MYLK2: variants seen among roughly 807,000 people sequenced by gnomAD.
The protein encoded by MYLK2 is myosin light chain kinase 2.
In MYLK2, 27 loss-of-function variants were observed where a neutral mutation model predicts 58.2. The observed-to-expected ratio is 0.46, with a 90% CI of 0.34 to 0.64. The LOEUF (loss-of-function observed/expected upper bound fraction) is 0.64, where lower values mean the gene tolerates loss of function less well. Ranked by LOEUF, MYLK2 falls within the 30% of genes least tolerant of loss-of-function variation. MYLK2 has a pLI of 0.01. For synonymous variants in MYLK2, 310 were observed against 296.7 expected, an observed-to-expected ratio of 1.04 and a Z score of -0.46; for missense variants, 676 against 764.3, an observed-to-expected ratio of 0.88 and a Z score of 1.36.
rs927529233 is a variant in MYLK2, at chr20:31,827,434, T to C, written c.1224+496T>C. ...AAACAGATAAAAATCCCTGCATTCT[T>C]GGAGCTCTCAAATAAGTATAGTGTC... On this transcript the variant is annotated intron_variant, in intron 8 of 12. Transcript: ENST00000375985. 6.1e-6 allele frequency: 6 copies of C among 985,316 alleles called. No homozygotes were observed. In the African/African-American group the frequency reaches 1.0e-4, roughly 17 times the overall value. The allele number at this position is 985,316 out of a possible 1,614,324, so 61.0% of individuals were successfully genotyped here. A position where few individuals can be genotyped will look rare whatever the true frequency, so the allele number is the denominator to read the frequency against.
Position 31,831,761 on chromosome 20 carries a change from C to G in MYLK2, c.1483C>G (p.Leu495Val). The G allele has an allele frequency of 6.2e-7, 1 of 1,614,166 alleles. No homozygotes were observed. Among genetic ancestry groups the G allele is most frequent in the Non-Finnish European group, 8.5e-7 (1 of 1,180,032 alleles). ...DDDTETLNNV[L>V]SGNWYFDEET... The stretch of plus-strand genomic sequence containing the variant: ...TGACACAGAGACCCTAAACAACGTT[C>G]TATCTGGCAACTGGTACTTTGATGA... Residue 495 changes from leucine to valine, a missense_variant, in exon 11 of 13, where the codon CTA becomes GTA. Coordinates refer to ENST00000375985, the MANE Select transcript of MYLK2 (RefSeq NM_033118.4).
chr20:31,830,365 C>G (rs929463937), intron 8 of MYLK2, among the ~76,000 whole-genome samples: 1 of 152,076 alleles, frequency 6.6e-6, no homozygotes, highest in African/African-American at 2.4e-5. Flanking sequence ...AGTGTGAAGC[C>G]CCGTGTTCCC....
intron 3 of MYLK2, among the ~76,000 whole-genome samples, chr20:31,821,059 C>G (rs1490503306): frequency 6.6e-6 from 1 of 152,150 alleles, no homozygotes; most frequent in African/African-American, 2.4e-5. Context: ...GTTATACTTA[C>G]CTGAATGCTA....
At chr20:31,831,191 G>A (rs559524545) in intron 10 of MYLK2, 50 bp downstream of exon 10, 21 of 1,613,168 alleles carry the variant, frequency 1.3e-5, no homozygotes, top group South Asian at 4.4e-5. Flanking sequence ...GCATGGGGGC[G>A]AGCGGCCGAG....
chr20:31,819,427 A>G lies in MYLK2; in HGVS notation c.-50A>G. ...CAACCAGGTTGCCCCTCTTTGCTCC[A>G]GGTACCTCTCTCCCCTCAGTTAGCA... On this transcript the variant is annotated splice_region_variant and 5_prime_UTR_variant, in exon 1 of 13. Transcript: ENST00000375985. The G allele has an allele frequency of 9.7e-7, 1 of 1,030,844 alleles. No individual in the cohort carries two copies. The highest frequency in any genetic ancestry group is 1.4e-5 in the South Asian group (1 of 73,168). 63.9% of individuals were successfully genotyped at this position (1,030,844 alleles called of 1,614,324 possible).
rs761688232 is a variant in MYLK2, at chr20:31,820,471, C to T, written c.398C>T (p.Ala133Val). ...AAGCCCAGGGTGGGCAAGAAGGCAG[C>T]AGAGGGCCAAGCAGCAGCCAGGAGG... Reference protein sequence around the residue: ...PGKPRVGKKAAEGQAAARRGS... With the variant: ...PGKPRVGKKAVEGQAAARRGS... The change falls in exon 3 of 13, where the codon GCA becomes GTA. Residue 133 changes from alanine to valine, a missense_variant. Ala to Val is a moderately conservative substitution (Grantham distance 64, BLOSUM62 0). Transcript: ENST00000375985. The T allele has an allele frequency of 2.9e-5, 46 of 1,610,686 alleles. No individual in the cohort carries two copies. The highest frequency in any genetic ancestry group is 3.8e-5 in the Non-Finnish European group (45 of 1,180,020).
Position 31,826,899 on chromosome 20 carries a change from C to T in MYLK2, c.1185C>T (p.Leu395=), listed in dbSNP as rs1285227408. 2.5e-6 allele frequency: 4 copies of T among 1,614,008 alleles called. No individual in the cohort carries two copies. Among genetic ancestry groups the T allele is most frequent in the Non-Finnish European group, 8.5e-7 (1 of 1,180,024 alleles). Residue 395 remains leucine, a synonymous_variant, in exon 8 of 13, where the codon CTC becomes CTT. Coordinates refer to ENST00000375985, the MANE Select transcript of MYLK2 (RefSeq NM_033118.4). The stretch of plus-strand genomic sequence containing the variant: ...TCAGGCAGATCTGTGACGGGATCCT[C>T]TTCATGCACAAGATGAGGGTTTTGC... ...VFVRQICDGI[L]FMHKMRVLHL...
At chr20:31,824,072 T>C in intron 5 of MYLK2, 187 bp from the exon 6 acceptor site, 1 of 985,440 alleles carries the variant, frequency 1.0e-6, no homozygotes, top group Non-Finnish European at 1.2e-6. Context: ...GCTTCAGCCA[T>C]TGTCCTGGCA....
chr20:31,820,913 T>A (rs1009618322), intron 3 of MYLK2, among the ~76,000 whole-genome samples: 1 of 152,210 alleles, frequency 6.6e-6, no homozygotes, highest in Admixed American at 6.5e-5. Flanking sequence ...GCTGTGTATT[T>A]CCTAGGACAT....
At chr20:31,824,705 C>A in intron 6 of MYLK2, 1 of 438,052 alleles carries the variant, frequency 2.3e-6, no homozygotes, top group Non-Finnish European at 3.0e-6. Flanking sequence ...TGGTCTCCAC[C>A]CTCAGGGAGC....
Position 31,823,474 on chromosome 20 carries a change from C to T in MYLK2, c.773-3C>T, listed in dbSNP as rs947189841. 3 of 1,612,168 alleles carry T rather than the reference C, an allele frequency of 1.9e-6. No individual in the cohort carries two copies. The East Asian group carries it at 6.7e-5, about 36-fold the overall frequency. On this transcript the variant is annotated splice_polypyrimidine_tract_variant and splice_region_variant and intron_variant, in intron 4 of 12. Transcript: ENST00000375985. The stretch of plus-strand genomic sequence containing the variant: ...ACCATGAGGGCTGTGCTCTGTCCCC[C>T]AGATGATTGCCCGCCACCTCCGGCC...
At chr20:31,821,347 G>C in intron 3 of MYLK2, 92 bp from the exon 4 acceptor site, 1 of 1,493,682 alleles carries the variant, frequency 6.7e-7, no homozygotes, top group South Asian at 1.2e-5. Flanking sequence ...TTTGGGGTGG[G>C]GTTGGATTAG....
At chr20:31,824,668 A>G in intron 6 of MYLK2, 3 of 730,762 alleles carry the variant, frequency 4.1e-6, no homozygotes, top group Non-Finnish European at 5.0e-6. Context: ...TGTGCTGGGC[A>G]CTGGGGGTCT....
At chr20:31,832,165 G>A in intron 12 of MYLK2, 29 bp downstream of exon 12, 6 of 1,592,494 alleles carry the variant, frequency 3.8e-6, no homozygotes, top group Admixed American at 1.7e-5. Context: ...TGGGGAGGGA[G>A]GGCTTGCTAG....
Position 31,833,737 on chromosome 20 carries a change from C to T in MYLK2, c.1731C>T (p.Ser577=), listed in dbSNP as rs772804572. Reference sequence around the variant, plus strand: ...TCTAGAAAAACTTCATTGCTGTCAGCGCTGCCAACCGCTTCAAGAAGATCA... The same window carrying T: ...TCTAGAAAAACTTCATTGCTGTCAGTGCTGCCAACCGCTTCAAGAAGATCA... ...RRWKKNFIAV[S]AANRFKKISS... is the part of the protein sequence containing the mutation. The change falls in exon 13 of 13, where the codon AGC becomes AGT. Residue 577 remains serine (S), a synonymous_variant. Transcript: ENST00000375985. The T allele has an allele frequency of 2.0e-5, 33 of 1,613,790 alleles. No individual in the cohort carries two copies. Among genetic ancestry groups the T allele is most frequent in the Non-Finnish European group, 2.4e-5 (28 of 1,179,978 alleles).
rs201107614 is a variant in MYLK2 at position 31,820,410 on chromosome 20, G to T, written c.337G>T (p.Ala113Ser). Residue 113 changes from alanine (A) to serine (S), a missense_variant, in exon 3 of 13, where the codon GCT (alanine) becomes TCT (serine). Coordinates refer to ENST00000375985, the MANE Select transcript of MYLK2 (RefSeq NM_033118.4). ...TPETSVKKPK[A>S]EQGASGSQDP... Reference sequence around the variant, plus strand: ...TGAGACCAGCGTCAAGAAGCCCAAGGCTGAGCAGGGAGCCTCAGGCAGCCA... The same window carrying T: ...TGAGACCAGCGTCAAGAAGCCCAAGTCTGAGCAGGGAGCCTCAGGCAGCCA... The T allele has an allele frequency of 1.2e-6, 2 of 1,612,930 alleles. No individual in the cohort carries two copies. The highest frequency in any genetic ancestry group is 2.7e-5 in the African/African-American group (2 of 75,060).
In MYLK2 at chr20:31,832,023, C is replaced by T; in HGVS notation, c.1597C>T (p.Gln533Ter). ...CCCCAGGGCCCGGATGAACGCTGCC[C>T]AGTGTCTCGCCCATCCCTGGCTCAA... ...KDQRARMNAA[Q>*]CLAHPWLNNL... The change falls in exon 12 of 13, where the codon CAG becomes TAG. Residue 533 changes from glutamine (Q) to a stop codon, truncating the protein, a stop_gained. Coordinates refer to ENST00000375985, the MANE Select transcript of MYLK2 (RefSeq NM_033118.4). LOFTEE classifies it high-confidence loss of function. The T allele has an allele frequency of 6.2e-7, 1 of 1,608,670 alleles. No individual in the cohort carries two copies. The highest frequency in any genetic ancestry group is 1.3e-5 in the African/African-American group (1 of 74,938).
chr20:31,824,242 G>T lies in MYLK2; in HGVS notation c.879-17G>T. On this transcript the variant is annotated splice_polypyrimidine_tract_variant and intron_variant, in intron 5 of 12. Coordinates refer to ENST00000375985, the MANE Select transcript of MYLK2 (RefSeq NM_033118.4). ...GGGCTCTGGGGTCCCCTCACTTACA[G>T]CCTCTTCTCTTTCCAGTGGCAAGTT... is the stretch of plus-strand genomic sequence containing the variant. 1 of 1,611,682 alleles carries T rather than the reference G, an allele frequency of 6.2e-7. No homozygotes were observed. Among genetic ancestry groups the T allele is most frequent in the Non-Finnish European group, 8.5e-7 (1 of 1,178,816 alleles).
chr20:31,833,992 G>A lies in MYLK2; in HGVS notation c.*195G>A, dbSNP rs1452691682. 3.3e-6 allele frequency: 2 copies of A among 604,576 alleles called. No homozygotes were observed. Among genetic ancestry groups the A allele is most frequent in the Non-Finnish European group, 5.9e-6 (2 of 339,950 alleles). 37.5% of individuals were successfully genotyped at this position (604,576 alleles called of 1,614,324 possible). On this transcript the variant is annotated 3_prime_UTR_variant, in exon 13 of 13. Coordinates refer to ENST00000375985, the MANE Select transcript of MYLK2 (RefSeq NM_033118.4). ...TCCCCGATGTGAGCCGCCTCGGAGT[G>A]TGGCCTGGATCCATCCTGCTAGCAC...
Sources: gnomAD v4.1 joint callset for allele counts (sites outside exome capture counted in the v4.1 genomes callset) on GRCh38, gnomAD v4.1.1 for gene constraint, MANE v1.5 for transcripts, NCBI Gene and HGNC (gene_info 2026-07-23, HGNC 2026-07-21) for gene names.